The following ZNF516 variants were observed in gnomAD, a reference collection of about 807,000 sequenced individuals.
The protein encoded by ZNF516 is zinc finger protein 516.
In ZNF516, 19 loss-of-function variants were observed where a neutral mutation model predicts 79.7. The ratio of observed to expected loss-of-function variants is 0.24; its 90% CI spans 0.17 to 0.35. The LOEUF is 0.35. ZNF516 is among the 10% of genes least tolerant of loss of function. The pLI, the probability that ZNF516 is intolerant of heterozygous loss-of-function variation, is 1.00. For missense variants in ZNF516, 1,678 were observed against 1,679.5 expected, an observed-to-expected ratio of 1.00 and a Z score of 0.02; for synonymous variants, 877 against 739.5, an observed-to-expected ratio of 1.19 and a Z score of -3.02.
Position 76,441,929 on chromosome 18 carries a change from G to T in ZNF516, c.1126C>A (p.Pro376Thr). 1 of 1,608,174 alleles carries T rather than the reference G, an allele frequency of 6.2e-7. No individual in the cohort carries two copies. Residue 376 changes from proline to threonine, a missense_variant, in exon 3 of 7, where the codon CCC becomes ACC. Physicochemically the swap from Pro to Thr is conservative, Grantham distance 38. This residue lies in a region of ZNF516 where 1,294 missense variants were observed against 1,248.3 expected (regional missense o/e 1.04). Transcript: ENST00000443185. ...AGGAAGAACTGCTTGGTGTCCGAGG[G>T]CCCCTCCGCCCCCTCCTCGGCCGGG... The part of the protein sequence containing the change: ...RAPAEEGAEG[P>T]SDTKQFFLQC...
At chr18:76,425,981 A>G (rs533048579) in intron 3 of ZNF516, among the ~76,000 whole-genome samples, 1 of 152,252 alleles carries the variant, frequency 6.6e-6, no homozygotes, top group South Asian at 2.1e-4. Context: ...TCAAATTAAC[A>G]TAAGACTGCC....
At chr18:76,471,661 G>A (rs1450035711) in intron 1 of ZNF516, among the ~76,000 whole-genome samples, 2 of 152,158 alleles carry the variant, frequency 1.3e-5, no homozygotes, top group African/African-American at 4.8e-5. Flanking sequence ...ACTAGATCCC[G>A]TCACGCTAGA....
chr18:76,490,674 A>T, intron 1 of ZNF516: 1 of 714,470 alleles, frequency 1.4e-6, no homozygotes, highest in Non-Finnish European at 1.7e-6. Context: ...CTCAGCTTTT[A>T]AATTACCTTC....
chr18:76,490,618 T>A, intron 1 of ZNF516: 1 of 323,732 alleles, frequency 3.1e-6, no homozygotes, highest in Non-Finnish European at 4.4e-6. Flanking sequence ...TCGGGTCATT[T>A]TCTTTAATAG....
In ZNF516 at chr18:76,362,446, G is replaced by C; in HGVS notation, c.*52C>G. Reference sequence around the variant, plus strand: ...GTGGGAGGCTGCTGGGACATCGTGAGGGTACTGCTAATGGCCGTTACGGGG... The same window carrying C: ...GTGGGAGGCTGCTGGGACATCGTGACGGTACTGCTAATGGCCGTTACGGGG... On this transcript the variant is annotated 3_prime_UTR_variant, in exon 7 of 7. Coordinates refer to ENST00000443185, the MANE Select transcript of ZNF516 (RefSeq NM_014643.4). The C allele has an allele frequency of 5.7e-6, 9 of 1,580,716 alleles. No homozygotes were observed. Among genetic ancestry groups the C allele is most frequent in the Non-Finnish European group, 7.8e-6 (9 of 1,153,652 alleles).
At chr18:76,389,487 C>G (rs76214182) in intron 3 of ZNF516, 5,822 of 152,246 alleles carry the variant, frequency 0.038, 124 homozygotes, top group Middle Eastern at 0.068. Flanking sequence ...AGGCAGCTCT[C>G]GGGAATTCTG....
At chr18:76,462,741 C>T (rs1347464708) in intron 2 of ZNF516, among the ~76,000 whole-genome samples, 3 of 152,182 alleles carry the variant, frequency 2.0e-5, no homozygotes, top group Non-Finnish European at 4.4e-5. Context: ...CCAGGAGCAC[C>T]AAGTTCTACG....
intron 4 of ZNF516, among the ~76,000 whole-genome samples, chr18:76,375,731 G>A (rs550832816): frequency 6.0e-5 from 9 of 150,890 alleles, no homozygotes; most frequent in Admixed American, 5.9e-4. Flanking sequence ...AAGAGACCAG[G>A]TAGAGGATGG....
chr18:76,391,035 G>A lies in ZNF516; in HGVS notation c.1811-10732C>T, dbSNP rs143106507. Reference sequence around the variant, plus strand: ...GGCAGGTGTTCCCAGATCCCAGGAGGGCCACGAGGGAAGGAACCCAGGCAC... The same window carrying A: ...GGCAGGTGTTCCCAGATCCCAGGAGAGCCACGAGGGAAGGAACCCAGGCAC... On this transcript the variant is annotated intron_variant, in intron 3 of 6. Coordinates refer to ENST00000443185, the MANE Select transcript of ZNF516 (RefSeq NM_014643.4). Among the ~76,000 whole-genome samples the A allele has an allele frequency of 2.8e-3, 432 of 152,208 alleles. 1 individual carries two copies. The highest frequency in any genetic ancestry group is 3.8e-3 in the Non-Finnish European group (257 of 68,012).
chr18:76,398,981 C>T (rs772978784), intron 3 of ZNF516, among the ~76,000 whole-genome samples: 12 of 152,138 alleles, frequency 7.9e-5, no homozygotes, highest in Non-Finnish European at 1.2e-4. Context: ...GTCTGACTTA[C>T]GGAACAAAGG....
chr18:76,442,327 A>C lies in ZNF516; in HGVS notation c.728T>G (p.Leu243Arg), dbSNP rs181442908. 1 of 1,611,380 alleles carries C rather than the reference A, an allele frequency of 6.2e-7. No homozygotes were observed. The highest frequency in any genetic ancestry group is 1.3e-5 in the African/African-American group (1 of 75,018). Residue 243 changes from leucine to arginine, a missense_variant, in exon 3 of 7, where the codon CTG (leucine) becomes CGG (arginine). This residue lies in a region of ZNF516 where 279 missense variants were observed against 254.1 expected (regional missense o/e 1.10). Coordinates refer to ENST00000443185, the MANE Select transcript of ZNF516 (RefSeq NM_014643.4). ...CTCGCACGGGAACTCCCCGGGGCTCAGCTCGGGCTTGCCGTTCTCCACGCA... is the reference window on the plus strand; with the variant it reads ...CTCGCACGGGAACTCCCCGGGGCTCCGCTCGGGCTTGCCGTTCTCCACGCA... ...EACVENGKPE[L>R]SPGEFPCEVC... is the part of the protein sequence containing the mutation.
At position 76,361,086 on chromosome 18, in the gene ZNF516, CA is replaced by C. The variant is rs2074531014; in HGVS notation, c.*1411del. 6.6e-6 allele frequency: 1 copy of C among 151,676 alleles called. No homozygotes were observed. Among genetic ancestry groups the C allele is most frequent in the Non-Finnish European group, 1.5e-5 (1 of 67,960 alleles). 9.4% of individuals were successfully genotyped at this position (151,676 alleles called of 1,614,324 possible). On this transcript the variant is annotated 3_prime_UTR_variant, in exon 7 of 7. Coordinates refer to ENST00000443185, the MANE Select transcript of ZNF516 (RefSeq NM_014643.4). ...CGTTTTAATCCATTTCCTGCCTTTA[CA>C]AAATTTCACAATTAAAAAAAAACCT...
At chr18:76,479,977 TAGC>T (rs1253025356) in intron 1 of ZNF516, among the ~76,000 whole-genome samples, 1 of 152,104 alleles carries the variant, frequency 6.6e-6, no homozygotes, top group Non-Finnish European at 1.5e-5. Context: ...TGAAAACAAA[TAGC>T]AGAAATCAGA....
At chr18:76,476,868 G>A (rs565640073) in intron 1 of ZNF516, among the ~76,000 whole-genome samples, 35 of 152,228 alleles carry the variant, frequency 2.3e-4, no homozygotes, top group South Asian at 8.3e-4. Flanking sequence ...ATGCCGGTGC[G>A]GGGTGACTTG....
chr18:76,399,147 G>A (rs937586054), intron 3 of ZNF516, among the ~76,000 whole-genome samples: 3 of 151,946 alleles, frequency 2.0e-5, no homozygotes, highest in Admixed American at 6.6e-5. Context: ...GGTGCTACGC[G>A]TGTGGTCCCC....
rs980767617 is a variant in ZNF516, at chr18:76,421,639, C to T, written c.1810+19606G>A. Among the ~76,000 whole-genome samples, 34 of 152,342 alleles carry T rather than the reference C, an allele frequency of 2.2e-4. No individual in the cohort carries two copies. In the Middle Eastern group the frequency reaches 0.01, roughly 46 times the overall value. On this transcript the variant is annotated intron_variant, in intron 3 of 6. Transcript: ENST00000443185. The stretch of plus-strand genomic sequence containing the variant: ...GTTCCTGGAGTCTTTTCAAAACATC[C>T]AAGCCACAGGGAGCAGGTCCTATGG...
chr18:76,357,834 T>C lies in ZNF516; in HGVS notation c.*4664A>G, dbSNP rs934460634. Among the ~76,000 whole-genome samples, 6 of 152,140 alleles carry C rather than the reference T, an allele frequency of 3.9e-5. No homozygotes were observed. Among genetic ancestry groups the C allele is most frequent in the African/African-American group, 1.4e-4 (6 of 41,430 alleles). On this transcript the variant is annotated 3_prime_UTR_variant, in exon 7 of 7. Coordinates refer to ENST00000443185, the MANE Select transcript of ZNF516 (RefSeq NM_014643.4). ...CAGGTGTGGCTGAGTCAGAATTCCGTCCGCGTCCATCCCTGTGCGTCCTGT... is the reference window on the plus strand; with the variant it reads ...CAGGTGTGGCTGAGTCAGAATTCCGCCCGCGTCCATCCCTGTGCGTCCTGT...
At chr18:76,417,168 C>T (rs377405339) in intron 3 of ZNF516, among the ~76,000 whole-genome samples, 5 of 152,170 alleles carry the variant, frequency 3.3e-5, no homozygotes, top group South Asian at 2.1e-4. Flanking sequence ...GCCTCGATGC[C>T]GCAGCGGCTA....
rs550309374 is a variant in ZNF516 at position 76,358,643 on chromosome 18, A to G, written c.*3855T>C. ...GAACTCACCAAAGTTAAAAGCAGTA[A>G]AACAACATATGCTACTTAAGACATT... On this transcript the variant is annotated 3_prime_UTR_variant, in exon 7 of 7. Coordinates refer to ENST00000443185, the MANE Select transcript of ZNF516 (RefSeq NM_014643.4). 2.0e-5 allele frequency: 3 copies of G among 152,370 alleles called. No individual in the cohort carries two copies. The highest frequency in any genetic ancestry group is 3.9e-4 in the East Asian group (2 of 5,184). The allele number at this position is 152,370 out of a possible 1,614,324, so 9.4% of individuals were successfully genotyped here.
Sources: allele counts gnomAD v4.1 joint callset (sites outside exome capture counted in the v4.1 genomes callset), GRCh38; gene constraint gnomAD v4.1.1; regional missense constraint gnomAD v4.1.1; transcripts MANE v1.5; gene names NCBI Gene and HGNC (gene_info 2026-07-23, HGNC 2026-07-21).